Variants in GPC6 observed in about 807,000 individuals in gnomAD.
The protein encoded by GPC6 is glypican 6, also known as glypican-6.
A neutral mutation model predicts 55.2 loss-of-function variants in GPC6; 14 were observed. The ratio of observed to expected loss-of-function variants is 0.25; its 90% CI spans 0.17 to 0.40. The LOEUF (loss-of-function observed/expected upper bound fraction) is 0.40. Among genes scored for constraint, GPC6 ranks in the 10% least tolerant of loss-of-function variants. The pLI is 1.00. For missense variants in GPC6, 641 were observed against 708.5 expected (o/e 0.90, Z 1.08); for synonymous variants, 278 against 259.6 (o/e 1.07, Z -0.68).
intron 2 of GPC6, among the ~76,000 whole-genome samples, chr13:93,627,166 C>G (rs979446629): frequency 1.3e-5 from 2 of 152,030 alleles, no homozygotes; most frequent in Non-Finnish European, 1.5e-5. Flanking sequence ...CCCCCACCCC[C>G]CAATAGGCCC....
chr13:94,184,700 A>G (rs1380080682), intron 4 of GPC6, among the ~76,000 whole-genome samples: 2 of 152,200 alleles, frequency 1.3e-5, no homozygotes, highest in Non-Finnish European at 2.9e-5. Flanking sequence ...TGGGAATGTA[A>G]ATTGTTTCCG....
intron 2 of GPC6, among the ~76,000 whole-genome samples, chr13:93,661,325 T>C (rs1880911883): frequency 6.6e-6 from 1 of 152,150 alleles, no homozygotes; most frequent in African/African-American, 2.4e-5. Context: ...GCGATTCTCC[T>C]GCCTTAGCCT....
chr13:93,505,456 C>CAG (rs374453375), intron 1 of GPC6, among the ~76,000 whole-genome samples: 40 of 149,766 alleles, frequency 2.7e-4, no homozygotes, highest in East Asian at 1.8e-3. Context: ...CACACAGAGA[C>CAG]AGAGAGAGAG....
At chr13:93,841,327 TCA>T (rs1887947226) in intron 3 of GPC6, among the ~76,000 whole-genome samples, 1 of 152,106 alleles carries the variant, frequency 6.6e-6, no homozygotes, top group East Asian at 1.9e-4. Flanking sequence ...AGATATTAGG[TCA>T]CACAGATATT....
intron 1 of GPC6, among the ~76,000 whole-genome samples, chr13:93,345,825 G>C (rs557740322): frequency 1.3e-5 from 2 of 151,990 alleles, no homozygotes; most frequent in African/African-American, 4.8e-5. Context: ...TGATGTTCTG[G>C]TACAAGATAT....
chr13:93,598,265 C>G (rs1877855451), intron 2 of GPC6, among the ~76,000 whole-genome samples: 1 of 152,188 alleles, frequency 6.6e-6, no homozygotes, highest in South Asian at 2.1e-4. Context: ...GTGATGTTAA[C>G]ACATCGAGTC....
intron 1 of GPC6, among the ~76,000 whole-genome samples, chr13:93,315,429 A>G (rs1879213688): frequency 6.6e-6 from 1 of 151,936 alleles, no homozygotes; most frequent in Admixed American, 6.6e-5. Context: ...GTGCAATTAT[A>G]TTCATTATTT....
intron 1 of GPC6, among the ~76,000 whole-genome samples, chr13:93,469,222 T>G (rs1202184456): frequency 1.3e-5 from 2 of 152,204 alleles, no homozygotes. Context: ...TTATTGAAAT[T>G]CAATAAAATT....
intron 3 of GPC6, among the ~76,000 whole-genome samples, chr13:93,931,148 T>A (rs1481441445): frequency 6.6e-6 from 1 of 152,054 alleles, no homozygotes; most frequent in East Asian, 1.9e-4. Flanking sequence ...CAATTCAGTA[T>A]GAGATTTGAT....
At chr13:93,692,507 A>C (rs1882293687) in intron 2 of GPC6, among the ~76,000 whole-genome samples, 1 of 152,114 alleles carries the variant, frequency 6.6e-6, no homozygotes, top group Non-Finnish European at 1.5e-5. Flanking sequence ...TTGATAAATA[A>C]ATATTATTAA....
intron 3 of GPC6, among the ~76,000 whole-genome samples, chr13:94,008,757 A>G (rs1437073358): frequency 6.6e-6 from 1 of 152,214 alleles, no homozygotes; most frequent in Non-Finnish European, 1.5e-5. Context: ...ACTTTCAATG[A>G]ACTAAAGATC....
At chr13:94,366,297 T>G (rs1362671922) in intron 6 of GPC6, among the ~76,000 whole-genome samples, 1 of 152,234 alleles carries the variant, frequency 6.6e-6, no homozygotes. Context: ...ATTGGAGTGG[T>G]CTCTGGCAGT....
intron 1 of GPC6, among the ~76,000 whole-genome samples, chr13:93,473,952 G>T (rs1476305589): frequency 6.6e-6 from 1 of 152,136 alleles, no homozygotes; most frequent in African/African-American, 2.4e-5. Flanking sequence ...GGGGCAAAGA[G>T]ACCCACTGCT....
At chr13:94,301,337 C>T (rs1365442001) in intron 5 of GPC6, among the ~76,000 whole-genome samples, 1 of 152,052 alleles carries the variant, frequency 6.6e-6, no homozygotes, top group Non-Finnish European at 1.5e-5. Context: ...ATTGAGGCTG[C>T]AGGGTGTTGT....
At chr13:93,272,499 T>TATAC (rs1451847599) in intron 1 of GPC6, among the ~76,000 whole-genome samples, 1 of 82,338 alleles carries the variant, frequency 1.2e-5, no homozygotes, top group Non-Finnish European at 2.4e-5. Flanking sequence ...TGTGTATATA[T>TATAC]ATATATATAT....
intron 1 of GPC6, among the ~76,000 whole-genome samples, chr13:93,295,422 G>A (rs1277403939): frequency 6.7e-6 from 1 of 149,948 alleles, no homozygotes. Context: ...AGATCAGGAG[G>A]CCAGAAGAGA....
At chr13:93,808,795 C>T (rs57310418) in intron 2 of GPC6, among the ~76,000 whole-genome samples, 4,465 of 152,248 alleles carry the variant, frequency 0.029, 198 homozygotes, top group East Asian at 0.16. Flanking sequence ...AACCAACCAT[C>T]CAAAGATCAT....
chr13:94,214,618 CTCTA>C (rs1301254622), intron 4 of GPC6, among the ~76,000 whole-genome samples: 1 of 152,068 alleles, frequency 6.6e-6, no homozygotes, highest in Non-Finnish European at 1.5e-5. Flanking sequence ...CAAGTTGGCC[CTCTA>C]TCTATTTACA....
chr13:93,740,878 C>A (rs371969803), intron 2 of GPC6, among the ~76,000 whole-genome samples: 1 of 151,958 alleles, frequency 6.6e-6, no homozygotes. Context: ...ATTTACTTTA[C>A]GTAGAAAACT....
Sources: gnomAD v4.1 joint callset for allele counts (sites outside exome capture counted in the v4.1 genomes callset) on GRCh38, gnomAD v4.1.1 for gene constraint, MANE v1.5 for transcripts, NCBI Gene and HGNC (gene_info 2026-07-23, HGNC 2026-07-21) for gene names.